The following RIN3 variants were observed in gnomAD, a reference collection of about 807,000 sequenced individuals.
RIN3 encodes RAB5 interacting protein 3.
RIN3 carries 54 observed loss-of-function variants against 76.3 expected under a neutral mutation model. The observed-to-expected ratio is 0.71, with a 90% CI of 0.57 to 0.89. The LOEUF (loss-of-function observed/expected upper bound fraction) is 0.89, where lower values mean the gene tolerates loss of function less well. Among genes scored for constraint, RIN3 ranks in the 40% least tolerant of loss-of-function variants. RIN3 has a pLI of 0.00. For synonymous variants in RIN3, 576 were observed against 564.0 expected, an observed-to-expected ratio of 1.02 and a Z score of -0.30; for missense variants, 1,256 against 1,322.1, an observed-to-expected ratio of 0.95 and a Z score of 0.78.
chr14:92,601,834 C>T (rs868737737), intron 3 of RIN3, among the ~76,000 whole-genome samples: 2 of 152,226 alleles, frequency 1.3e-5, no homozygotes, highest in Non-Finnish European at 2.9e-5. Context: ...ATTTGCAAAT[C>T]TGTCCAATGT....
At chr14:92,633,955 A>G (rs972622481) in intron 4 of RIN3, among the ~76,000 whole-genome samples, 2 of 152,014 alleles carry the variant, frequency 1.3e-5, no homozygotes, top group African/African-American at 2.4e-5. Flanking sequence ...AGAGGTTTGG[A>G]AAGCACCAGC....
intron 4 of RIN3, among the ~76,000 whole-genome samples, chr14:92,631,593 A>AT (rs1376940424): frequency 1.1e-3 from 167 of 150,334 alleles, no homozygotes; most frequent in African/African-American, 3.4e-3. Context: ...AGGAATCTGC[A>AT]TTTTTTTTTG....
In RIN3 at chr14:92,560,304, C is replaced by G. The variant is rs910060574; in HGVS notation, c.249+4349C>G. On this transcript the variant is annotated intron_variant, in intron 2 of 9. Transcript: ENST00000216487. ...TCCCACTGCCACCCACTCACCACCC[C>G]CTTCTGAGGGCGTAGCAGCTGGGCC... Among the ~76,000 whole-genome samples the G allele has an allele frequency of 1.1e-4, 17 of 152,152 alleles. No homozygotes were observed. In the East Asian group the frequency reaches 1.9e-3, roughly 17 times the overall value.
chr14:92,542,238 T>C (rs917173026), intron 1 of RIN3, among the ~76,000 whole-genome samples: 1 of 152,034 alleles, frequency 6.6e-6, no homozygotes. Context: ...TAGTGAGCCA[T>C]GATCACACCA....
intron 3 of RIN3, among the ~76,000 whole-genome samples, chr14:92,613,560 G>A (rs541129640): frequency 2.0e-5 from 3 of 152,278 alleles, no homozygotes; most frequent in South Asian, 2.1e-4. Context: ...ATGTTGGTTC[G>A]CGTATCACTA....
At position 92,513,862 on chromosome 14, in the gene RIN3, C is replaced by T; in HGVS notation, c.-71C>T. On this transcript the variant is annotated 5_prime_UTR_variant, in exon 1 of 10. Coordinates refer to ENST00000216487, the MANE Select transcript of RIN3 (RefSeq NM_024832.5). ...GGCCAGAGCCAGGGACATGCGGGCG[C>T]CCGGGACTCCGCGTTCCGCGCGGCC... The T allele has an allele frequency of 8.6e-7, 1 of 1,163,434 alleles. No homozygotes were observed. The highest frequency in any genetic ancestry group is 1.1e-6 in the Non-Finnish European group (1 of 921,378). The allele number at this position is 1,163,434 out of a possible 1,614,324, so 72.1% of individuals were successfully genotyped here.
At chr14:92,550,259 G>A (rs574896154) in intron 1 of RIN3, among the ~76,000 whole-genome samples, 20 of 152,268 alleles carry the variant, frequency 1.3e-4, no homozygotes, top group Admixed American at 7.2e-4. Context: ...GTTATAACTC[G>A]GGGGTTGGAG....
intron 7 of RIN3, among the ~76,000 whole-genome samples, chr14:92,674,799 GA>G (rs2140167800): frequency 6.6e-6 from 1 of 151,012 alleles, no homozygotes; most frequent in South Asian, 2.1e-4. Context: ...TGAGGCAGGA[GA>G]ATCACTTGAA....
intron 7 of RIN3, among the ~76,000 whole-genome samples, chr14:92,660,846 C>T (rs1202227422): frequency 2.6e-5 from 4 of 152,214 alleles, no homozygotes; most frequent in Non-Finnish European, 5.9e-5. Flanking sequence ...CACGATGGAG[C>T]ACAGCTCAAT....
intron 3 of RIN3, among the ~76,000 whole-genome samples, chr14:92,578,749 G>T (rs1285259098): frequency 6.6e-6 from 1 of 152,156 alleles, no homozygotes; most frequent in Non-Finnish European, 1.5e-5. Context: ...AAGACCAAAT[G>T]AGCCAGTTTA....
chr14:92,649,499 T>C (rs993427068), intron 5 of RIN3, among the ~76,000 whole-genome samples: 2 of 152,154 alleles, frequency 1.3e-5, no homozygotes, highest in African/African-American at 4.8e-5. Context: ...TGTGTAGACA[T>C]GGGCACAGTG....
intron 3 of RIN3, among the ~76,000 whole-genome samples, chr14:92,610,957 A>G (rs563497259): frequency 1.3e-4 from 20 of 152,356 alleles, no homozygotes; most frequent in Non-Finnish European, 2.6e-4. Context: ...CTCCCATGGC[A>G]TAATTTATTT....
intron 3 of RIN3, among the ~76,000 whole-genome samples, chr14:92,589,980 C>T (rs1476878343): frequency 1.3e-5 from 2 of 152,228 alleles, no homozygotes; most frequent in African/African-American, 2.4e-5. Flanking sequence ...AGAACTGCAG[C>T]TTGCCAGAGC....
intron 7 of RIN3, 120 bp from the exon 8 acceptor site, chr14:92,676,355 C>T: frequency 1.7e-6 from 2 of 1,189,690 alleles, no homozygotes; most frequent in Non-Finnish European, 2.4e-6. Flanking sequence ...AGAGCAGGAA[C>T]ATTCCTCTTC....
At chr14:92,550,247 G>A (rs1897387494) in intron 1 of RIN3, among the ~76,000 whole-genome samples, 1 of 152,182 alleles carries the variant, frequency 6.6e-6, no homozygotes, top group African/African-American at 2.4e-5. Flanking sequence ...AGGAAGAGAA[G>A]CGTTATAACT....
chr14:92,596,122 A>C (rs1165130313), intron 3 of RIN3, among the ~76,000 whole-genome samples: 6 of 152,168 alleles, frequency 3.9e-5, no homozygotes, highest in African/African-American at 1.4e-4. Flanking sequence ...TTCACATTGG[A>C]AACTTTTAGG....
At chr14:92,588,024 C>G (rs952473402) in intron 3 of RIN3, among the ~76,000 whole-genome samples, 1 of 151,914 alleles carries the variant, frequency 6.6e-6, no homozygotes, top group African/African-American at 2.4e-5. Context: ...CCTCACTTGG[C>G]CAAAGGCAGA....
chr14:92,514,174 C>T lies in RIN3; in HGVS notation c.44+198C>T, dbSNP rs1362351890. 2.6e-5 allele frequency among the ~76,000 whole-genome samples: 4 copies of T among 152,184 alleles called. No individual in the cohort carries two copies. The highest frequency in any genetic ancestry group is 5.9e-5 in the Non-Finnish European group (4 of 68,010). On this transcript the variant is annotated intron_variant, in intron 1 of 9. Coordinates refer to ENST00000216487, the MANE Select transcript of RIN3 (RefSeq NM_024832.5). This position sits in a 1 kb window ranked among gnomAD's most constrained non-coding sequence, Gnocchi z 7.2. ...GGGCGGCCCTGGTGACTCCGCTGGA[C>T]CCGATGTTGGCTAAACTTTCAAGGC...
intron 3 of RIN3, among the ~76,000 whole-genome samples, chr14:92,582,549 T>G (rs561472670): frequency 1.3e-5 from 2 of 148,774 alleles, no homozygotes; most frequent in Admixed American, 6.9e-5. Context: ...GCCTCCCGAG[T>G]TCAAGCAAGT....
Sources: gnomAD v4.1 joint callset for allele counts (sites outside exome capture counted in the v4.1 genomes callset) on GRCh38, gnomAD v4.1.1 for gene constraint, Gnocchi (gnomAD v3.1) non-coding constraint, MANE v1.5 for transcripts, NCBI Gene and HGNC (gene_info 2026-07-23, HGNC 2026-07-21) for gene names.